KRT7: variants seen among roughly 807,000 people sequenced by gnomAD.
KRT7 encodes the protein keratin, type II cytoskeletal 7.
A neutral mutation model predicts 42.8 loss-of-function variants in KRT7; 50 were observed. That is an observed-to-expected ratio of 1.17 (90% CI 0.93 to 1.48). KRT7 has a LOEUF of 1.48. Among genes scored for constraint, KRT7 ranks in the 40% most tolerant of loss-of-function variants. The pLI, the probability that KRT7 is intolerant of heterozygous loss-of-function variation, is 0.00. For missense variants in KRT7, 588 were observed against 637.6 expected (o/e 0.92, Z 0.84); for synonymous variants, 268 against 266.3 (o/e 1.01, Z -0.06).
At chr12:52,251,791 G>T, downstream of KRT7, 1 of 355,994 alleles carries the variant, frequency 2.8e-6, no homozygotes, top group Non-Finnish European at 5.5e-6. Context: ...TGCAAACTAC[G>T]GCCACATGCA....
chr12:52,252,805 A>G (rs930135714), downstream of KRT7, among the ~76,000 whole-genome samples: 2 of 152,156 alleles, frequency 1.3e-5, no homozygotes, highest in Admixed American at 1.3e-4. Flanking sequence ...TATCATACCC[A>G]AGTGCCTTGG....
At chr12:52,244,156 A>G (rs2608007) in intron 6 of KRT7, among the ~76,000 whole-genome samples, 30,762 of 152,068 alleles carry the variant, frequency 0.2, 3,305 homozygotes, top group Middle Eastern at 0.27. Flanking sequence ...TGGTGGGGGG[A>G]TGTGAGGGTG....
Position 52,245,409 on chromosome 12 carries a change from C to T in KRT7, c.985-3C>T. ...CAGCTTACAGCTGCACTGCTGCCCACAGCGTGCCAAGTTGGAGGCCGCCAT... is the reference window on the plus strand; with the variant it reads ...CAGCTTACAGCTGCACTGCTGCCCATAGCGTGCCAAGTTGGAGGCCGCCAT... On this transcript the variant is annotated splice_region_variant and splice_polypyrimidine_tract_variant and intron_variant, in intron 6 of 8. Transcript: ENST00000331817. 6.2e-7 allele frequency: 1 copy of T among 1,613,422 alleles called. No individual in the cohort carries two copies.
chr12:52,250,519 A>G (rs907904939), downstream of KRT7: 12 of 810,304 alleles, frequency 1.5e-5, no homozygotes, highest in East Asian at 5.6e-5. Flanking sequence ...CAGGGCGCAC[A>G]CAGGCCGGTG....
At chr12:52,244,972 T>C in intron 6 of KRT7, 1 of 192,738 alleles carries the variant, frequency 5.2e-6, no homozygotes, top group Non-Finnish European at 1.0e-5. Flanking sequence ...TAAGATCCCA[T>C]GGTCTTCGAG....
At chr12:52,240,279 A>C (rs998068429) in intron 4 of KRT7, among the ~76,000 whole-genome samples, 1 of 152,268 alleles carries the variant, frequency 6.6e-6, no homozygotes, top group African/African-American at 2.4e-5. Context: ...TTTCATGGTG[A>C]AAGTAATACA....
In KRT7 at chr12:52,241,839, A is replaced by C. The variant is rs568234481; in HGVS notation, c.858+203A>C. 1.3e-5 allele frequency: 6 copies of C among 477,874 alleles called. No homozygotes were observed. In the Admixed American group the frequency reaches 1.8e-4, roughly 15 times the overall value. 29.6% of individuals were successfully genotyped at this position (477,874 alleles called of 1,614,324 possible). A position where few individuals can be genotyped will look rare whatever the true frequency, so the allele number is the denominator to read the frequency against. On this transcript the variant is annotated intron_variant, in intron 5 of 8. Transcript: ENST00000331817. ...AGGAAATAGATATGGATTAATCATT[A>C]TAATAGCTAAAATATGGCAAGTACT...
chr12:52,253,609 G>A (rs189274552), downstream of KRT7: 251 of 1,582,574 alleles, frequency 1.6e-4, 3 homozygotes, highest in South Asian at 1.7e-3. Context: ...ACCTTGCTGC[G>A]GTACCAGGAC....
chr12:52,251,789 A>G (rs897575535), downstream of KRT7: 2 of 357,416 alleles, frequency 5.6e-6, no homozygotes, highest in African/African-American at 2.1e-5. Context: ...TCTGCAAACT[A>G]CGGCCACATG....
chr12:52,237,701 C>A, intron 3 of KRT7, 132 bp downstream of exon 3: 1 of 630,346 alleles, frequency 1.6e-6, no homozygotes, highest in Non-Finnish European at 2.8e-6. Flanking sequence ...AGGAAGTCTG[C>A]ACAGCCTGTC....
At chr12:52,234,128 G>GT (rs1491485118) in intron 1 of KRT7, among the ~76,000 whole-genome samples, 3 of 6,796 alleles carry the variant, frequency 4.4e-4, no homozygotes, top group Admixed American at 4.0e-3. Flanking sequence ...GGGCGGGGGA[G>GT]GGGGGGGGGC....
At chr12:52,253,279 C>T (rs1442992533), downstream of KRT7, 1 of 1,612,530 alleles carries the variant, frequency 6.2e-7, no homozygotes, top group Non-Finnish European at 8.5e-7. Context: ...CGTTGATCTC[C>T]TCCTTGGTGC....
At position 52,233,282 on chromosome 12, in the gene KRT7, C is replaced by T; in HGVS notation, c.-15C>T. 1 of 1,532,736 alleles carries T rather than the reference C, an allele frequency of 6.5e-7. No individual in the cohort carries two copies. Among genetic ancestry groups the T allele is most frequent in the Non-Finnish European group, 8.7e-7 (1 of 1,147,358 alleles). 94.9% of individuals were successfully genotyped at this position (1,532,736 alleles called of 1,614,324 possible). A position where few individuals can be genotyped will look rare whatever the true frequency, so the allele number is the denominator to read the frequency against. On this transcript the variant is annotated 5_prime_UTR_variant, in exon 1 of 9. Coordinates refer to ENST00000331817, the MANE Select transcript of KRT7 (RefSeq NM_005556.4). ...CCTCCTCGCCCGCCGCTAGGTCCATCCCGGCCCAGCCACCATGTCCATCCA... is the reference window on the plus strand; with the variant it reads ...CCTCCTCGCCCGCCGCTAGGTCCATTCCGGCCCAGCCACCATGTCCATCCA...
chr12:52,255,458 G>A (rs577883964), downstream of KRT7: 2 of 456,472 alleles, frequency 4.4e-6, no homozygotes, highest in East Asian at 1.4e-4. Context: ...AAAAAAAATG[G>A]GAATGAAGGC....
At chr12:52,250,224 G>T (rs1321311994), downstream of KRT7, among the ~76,000 whole-genome samples, 1 of 152,242 alleles carries the variant, frequency 6.6e-6, no homozygotes, top group African/African-American at 2.4e-5. Flanking sequence ...ACCTAGGGCT[G>T]CGAGGACAGT....
At chr12:52,252,403 C>T (rs746260582), downstream of KRT7, 3 of 1,614,066 alleles carry the variant, frequency 1.9e-6, no homozygotes, top group Non-Finnish European at 2.5e-6. Context: ...TCCAGCTCGG[C>T]CAGCTTGCAG....
At chr12:52,237,721 CGTGTATGT>C (rs1458875144) in intron 3 of KRT7, 152 bp downstream of exon 3, 2 of 322,972 alleles carry the variant, frequency 6.2e-6, no homozygotes, top group African/African-American at 3.4e-5. Context: ...CCTGTGGGTG[CGTGTATGT>C]GTGTGTGTGT....
At chr12:52,250,311 G>A (rs907859496), downstream of KRT7, among the ~76,000 whole-genome samples, 2 of 152,230 alleles carry the variant, frequency 1.3e-5, no homozygotes, top group African/African-American at 2.4e-5. Context: ...ACTAGCGGGC[G>A]GGGATGCGAG....
Position 52,248,697 on chromosome 12 carries a change from T to C in KRT7, c.1347T>C (p.Pro449=), listed in dbSNP as rs368067895. Residue 449 remains proline, a synonymous_variant, in exon 9 of 9, where the codon CCT becomes CCC. Coordinates refer to ENST00000331817, the MANE Select transcript of KRT7 (RefSeq NM_005556.4). The part of the protein sequence containing the change: ...NALSFSSSAG[P]GLLKAYSIRT... ...TGAGCTTCTCCAGCAGTGCGGGTCC[T>C]GGGCTCCTGAAGGCTTATTCCATCC... The C allele has an allele frequency of 1.6e-3, 2,545 of 1,612,878 alleles. 59 individuals carry two copies. The South Asian group carries it at 0.026, about 17-fold the overall frequency.
Sources: allele counts gnomAD v4.1 joint callset (sites outside exome capture counted in the v4.1 genomes callset), GRCh38; gene constraint gnomAD v4.1.1; transcripts MANE v1.5; gene names NCBI Gene and HGNC (gene_info 2026-07-23, HGNC 2026-07-21).